Variants in SIPA1L2 observed in about 807,000 individuals in gnomAD.
SIPA1L2 encodes signal-induced proliferation-associated 1-like protein 2.
Under a neutral mutation model 163.9 loss-of-function variants are expected in SIPA1L2, and 56 were observed. The ratio of observed to expected loss-of-function variants is 0.34; its 90% CI spans 0.28 to 0.43. The LOEUF (loss-of-function observed/expected upper bound fraction) is 0.43. SIPA1L2 is among the 20% of genes least tolerant of loss of function. The pLI is 1.00. For missense variants in SIPA1L2, 1,974 were observed against 2,193.5 expected, an observed-to-expected ratio of 0.90 and a Z score of 2.00; for synonymous variants, 877 against 865.7, an observed-to-expected ratio of 1.01 and a Z score of -0.23.
intron 19 of SIPA1L2, among the ~76,000 whole-genome samples, chr1:232,408,951 T>C (rs993145607): frequency 6.6e-6 from 1 of 152,178 alleles, no homozygotes; most frequent in African/African-American, 2.4e-5. Context: ...AAAACCACAA[T>C]CTTACTTTTA....
At chr1:232,611,596 C>T (rs10910578) in intron 1 of SIPA1L2, among the ~76,000 whole-genome samples, 51,128 of 151,992 alleles carry the variant, frequency 0.34, 8,885 homozygotes, top group Admixed American at 0.4. Context: ...TGGCATTTTA[C>T]CCTTGCCCTA....
chr1:232,404,179 C>T lies in SIPA1L2; in HGVS notation c.4763-1G>A, dbSNP rs775079647. ...CCCAGTTCTTCATCTGAGTCAAGAC[C>T]TGAAATAAGATTTAGAATTTTCCTA... On this transcript the variant is annotated splice_acceptor_variant, in intron 19 of 22. Transcript: ENST00000674635. LOFTEE classifies it high-confidence loss of function. 3.1e-6 allele frequency: 5 copies of T among 1,613,886 alleles called. No individual in the cohort carries two copies. In the South Asian group the frequency reaches 4.4e-5, roughly 14 times the overall value.
At chr1:232,422,373 G>C (rs1373284701) in intron 18 of SIPA1L2, among the ~76,000 whole-genome samples, 11 of 152,160 alleles carry the variant, frequency 7.2e-5, no homozygotes, top group Admixed American at 7.2e-4. Flanking sequence ...CTCAAGAGAA[G>C]AAAGATTGAG....
intron 1 of SIPA1L2, among the ~76,000 whole-genome samples, chr1:232,597,796 G>T (rs1461450580): frequency 1.3e-5 from 2 of 151,664 alleles, no homozygotes. Context: ...TCTTGGCCCT[G>T]TAGTGACAGT....
chr1:232,465,547 C>G lies in SIPA1L2; in HGVS notation c.2244-131G>C. 1.3e-6 allele frequency: 1 copy of G among 753,078 alleles called. No individual in the cohort carries two copies. The allele number at this position is 753,078 out of a possible 1,614,324, so 46.6% of individuals were successfully genotyped here. On this transcript the variant is annotated intron_variant, in intron 8 of 22. Transcript: ENST00000674635. The surrounding 1 kb of genome is among the most constrained non-coding windows in gnomAD (Gnocchi z 4.1). ...ACACACACACACATATACATACACA[C>G]ATACACACACACTTTCAACTTAACT... is the stretch of plus-strand genomic sequence containing the variant.
intron 1 of SIPA1L2, among the ~76,000 whole-genome samples, chr1:232,616,373 C>G (rs1662499424): frequency 6.6e-6 from 1 of 152,196 alleles, no homozygotes; most frequent in Non-Finnish European, 1.5e-5. Context: ...ACACGACATT[C>G]CCTAGCATCC....
intron 1 of SIPA1L2, among the ~76,000 whole-genome samples, chr1:232,615,168 G>A (rs1662437576): frequency 1.3e-5 from 2 of 152,154 alleles, no homozygotes; most frequent in Admixed American, 1.3e-4. Context: ...AAGAATGGTG[G>A]CCACACTCCA....
intron 10 of SIPA1L2, among the ~76,000 whole-genome samples, chr1:232,460,001 A>C (rs1323061187): frequency 1.3e-5 from 2 of 151,974 alleles, no homozygotes; most frequent in African/African-American, 4.8e-5. Context: ...CACACAGCAA[A>C]TTCCTGGATT....
chr1:232,408,295 T>A (rs2102757253), intron 19 of SIPA1L2, among the ~76,000 whole-genome samples: 1 of 152,170 alleles, frequency 6.6e-6, no homozygotes, highest in African/African-American at 2.4e-5. Flanking sequence ...ACTGTTTTTT[T>A]TTTTTTAAAC....
In SIPA1L2 at chr1:232,488,000, C is replaced by A. The variant is rs78668762; in HGVS notation, c.1806+2874G>T. On this transcript the variant is annotated intron_variant, in intron 5 of 22. Coordinates refer to ENST00000674635, the MANE Select transcript of SIPA1L2 (RefSeq NM_020808.5). ...ACAGAGTCTCACTCTGTCGCCCAGG[C>A]TGGAGTGCAGTGGTGCGATCTTGGC... Among the ~76,000 whole-genome samples the A allele has an allele frequency of 0.034, 5,146 of 152,052 alleles. 948 individuals carry two copies. In the East Asian group the frequency reaches 0.57, roughly 17 times the overall value.
intron 2 of SIPA1L2, among the ~76,000 whole-genome samples, chr1:232,522,873 T>C (rs1357372780): frequency 6.6e-6 from 1 of 152,114 alleles, no homozygotes; most frequent in African/African-American, 2.4e-5. Context: ...AGGAACCCAG[T>C]AAAGGAAATA....
chr1:232,596,851 C>CA (rs1435568247), intron 1 of SIPA1L2, among the ~76,000 whole-genome samples: 2 of 152,190 alleles, frequency 1.3e-5, no homozygotes, highest in African/African-American at 4.8e-5. Flanking sequence ...AGTGCAGGGA[C>CA]TTATCTGATT....
At chr1:232,507,589 T>C (rs1253783017) in intron 3 of SIPA1L2, among the ~76,000 whole-genome samples, 1 of 152,214 alleles carries the variant, frequency 6.6e-6, no homozygotes, top group Non-Finnish European at 1.5e-5. Context: ...AAAATGGACA[T>C]TCACTAATGT....
chr1:232,444,761 GGTTACA>G (rs2102871083), intron 11 of SIPA1L2, among the ~76,000 whole-genome samples: 1 of 152,274 alleles, frequency 6.6e-6, no homozygotes, highest in Admixed American at 6.5e-5. Context: ...CCAGGCCTAT[GGTTACA>G]GTACATCAAG....
intron 2 of SIPA1L2, among the ~76,000 whole-genome samples, chr1:232,518,206 G>A (rs954553225): frequency 3.9e-5 from 6 of 152,286 alleles, no homozygotes; most frequent in African/African-American, 1.4e-4. Context: ...CTTCTGTTGT[G>A]AATTTTGAAA....
chr1:232,410,128 G>A (rs941804274), intron 19 of SIPA1L2, among the ~76,000 whole-genome samples: 5 of 151,788 alleles, frequency 3.3e-5, no homozygotes, highest in South Asian at 2.1e-4. Context: ...TAAAGGGCAC[G>A]GTCTCAAAGA....
chr1:232,563,115 A>G (rs910186474), intron 2 of SIPA1L2, among the ~76,000 whole-genome samples: 1 of 152,220 alleles, frequency 6.6e-6, no homozygotes, highest in Non-Finnish European at 1.5e-5. Context: ...CAGCAGCCTC[A>G]GAAGGTTCAA....
intron 2 of SIPA1L2, among the ~76,000 whole-genome samples, chr1:232,515,873 A>G (rs1041270630): frequency 6.6e-6 from 1 of 152,204 alleles, no homozygotes; most frequent in Non-Finnish European, 1.5e-5. Context: ...TAAGCAAAGA[A>G]TGTTGTGATC....
intron 7 of SIPA1L2, among the ~76,000 whole-genome samples, chr1:232,474,326 G>T (rs949875692): frequency 2.0e-5 from 3 of 152,260 alleles, no homozygotes; most frequent in South Asian, 2.1e-4. Context: ...TCTAACACTC[G>T]ATTCCAGCTG....
Sources: gnomAD v4.1 joint callset for allele counts (sites outside exome capture counted in the v4.1 genomes callset) on GRCh38, gnomAD v4.1.1 for gene constraint, Gnocchi (gnomAD v3.1) non-coding constraint, MANE v1.5 for transcripts, NCBI Gene and HGNC (gene_info 2026-07-23, HGNC 2026-07-21) for gene names.